Variants in TRANK1 observed in about 807,000 individuals in gnomAD.
The protein encoded by TRANK1 is TPR and ankyrin repeat-containing protein 1.
A neutral mutation model predicts 266.0 loss-of-function variants in TRANK1; 198 were observed. The ratio of observed to expected loss-of-function variants is 0.74; its 90% CI spans 0.66 to 0.84. The LOEUF is 0.84. Ranked by LOEUF, TRANK1 falls within the 40% of genes least tolerant of loss-of-function variation. TRANK1 has a pLI of 0.00. For synonymous variants in TRANK1, 1,396 were observed against 1,384.1 expected (o/e 1.01, Z -0.19); for missense variants, 3,326 against 3,634.6 (o/e 0.92, Z 2.18).
intron 9 of TRANK1, among the ~76,000 whole-genome samples, chr3:36,869,943 C>T (rs1230910367): frequency 6.6e-6 from 1 of 152,206 alleles, no homozygotes; most frequent in East Asian, 1.9e-4. Flanking sequence ...CCCAGCCCCA[C>T]CTTAGGTTTT....
chr3:36,925,060 C>A (rs1333242702), intron 1 of TRANK1, among the ~76,000 whole-genome samples: 2 of 152,166 alleles, frequency 1.3e-5, no homozygotes, highest in African/African-American at 2.4e-5. Flanking sequence ...CATTCAGTGG[C>A]TGAAAGGGGG....
chr3:36,933,780 C>G (rs145516272), intron 1 of TRANK1, among the ~76,000 whole-genome samples: 17 of 152,258 alleles, frequency 1.1e-4, no homozygotes, highest in Non-Finnish European at 2.4e-4. Flanking sequence ...AAAACATAGC[C>G]CTAGTATTTG....
Position 36,838,727 on chromosome 3 carries a change from C to CA in TRANK1, c.5281-12dup, listed in dbSNP as rs1274442102. Reference sequence around the variant, plus strand: ...ACACTTGGCTGCAACCTGGAATAGGCAAAAAGTTTTATTCCCAGCAAGGTA... The same window carrying CA: ...ACACTTGGCTGCAACCTGGAATAGGCAAAAAAGTTTTATTCCCAGCAAGGTA... On this transcript the variant is annotated splice_polypyrimidine_tract_variant and intron_variant, in intron 18 of 23. Coordinates refer to ENST00000645898, the MANE Select transcript of TRANK1 (RefSeq NM_001329998.2). The CA allele has an allele frequency of 6.2e-7, 1 of 1,609,858 alleles. No individual in the cohort carries two copies. Among genetic ancestry groups the CA allele is most frequent in the African/African-American group, 1.3e-5 (1 of 74,806 alleles).
At chr3:36,864,150 G>T (rs556159815) in intron 10 of TRANK1, among the ~76,000 whole-genome samples, 169 bp downstream of exon 10, 1 of 152,284 alleles carries the variant, frequency 6.6e-6, no homozygotes, top group East Asian at 1.9e-4. Flanking sequence ...TTGAAGTTCA[G>T]GGGTATGTAA....
intron 1 of TRANK1, among the ~76,000 whole-genome samples, chr3:36,943,490 C>T (rs538878149): frequency 7.3e-6 from 1 of 137,434 alleles, no homozygotes; most frequent in Non-Finnish European, 1.6e-5. Flanking sequence ...ACCCCCCCAC[C>T]CCCCGCAGAG....
At chr3:36,847,510 T>C (rs2078931909) in intron 15 of TRANK1, among the ~76,000 whole-genome samples, 164 bp from the exon 16 acceptor site, 1 of 151,952 alleles carries the variant, frequency 6.6e-6, no homozygotes, top group Non-Finnish European at 1.5e-5. Flanking sequence ...AGGAGGGAGA[T>C]TAACTTGCAC....
rs377503985 is a variant in TRANK1, at chr3:36,899,558, C to A, written c.283-299G>T. Among the ~76,000 whole-genome samples the A allele has an allele frequency of 6.8e-4, 104 of 152,258 alleles. 2 individuals are homozygous for A. In the South Asian group the frequency reaches 0.021, roughly 31 times the overall value. On this transcript the variant is annotated intron_variant, in intron 3 of 23. Coordinates refer to ENST00000645898, the MANE Select transcript of TRANK1 (RefSeq NM_001329998.2). ...CTTGTAGTCCCAGCTACTCAGGAGG[C>A]TGAGGTGAGAGGATTACCTGAGCCC...
intron 1 of TRANK1, among the ~76,000 whole-genome samples, chr3:36,912,628 T>C (rs886247090): frequency 6.6e-6 from 1 of 152,288 alleles, no homozygotes; most frequent in African/African-American, 2.4e-5. Flanking sequence ...AAAATGCAAA[T>C]GCACTGAGTA....
intron 1 of TRANK1, among the ~76,000 whole-genome samples, chr3:36,943,898 T>A (rs564121108): frequency 2.0e-4 from 30 of 152,074 alleles, no homozygotes; most frequent in Non-Finnish European, 4.0e-4. Flanking sequence ...TTTCTTTTAT[T>A]TTCCAAATTG....
At chr3:36,879,997 C>CATGCAAATATATGTAAAT (rs2079495790) in intron 8 of TRANK1, among the ~76,000 whole-genome samples, 1 of 14,912 alleles carries the variant, frequency 6.7e-5, no homozygotes, top group Non-Finnish European at 1.2e-4. Context: ...TATATGTAAA[C>CATGCAAATATATGTAAAT]ATGCAAATAT....
In TRANK1 at chr3:36,908,429, G is replaced by T. The variant is rs969858746; in HGVS notation, c.49C>A (p.Leu17Met). The T allele has an allele frequency of 2.1e-5, 26 of 1,232,106 alleles. No homozygotes were observed. The Admixed American group carries it at 1.1e-3, about 52-fold the overall frequency. The allele number at this position is 1,232,106 out of a possible 1,614,324, so 76.3% of individuals were successfully genotyped here. The change falls in exon 2 of 24, where the codon CTG becomes ATG. Residue 17 changes from leucine to methionine, a missense_variant. Transcript: ENST00000645898. ...ACCTGGTTGCCGGATTCTTTCAGCAGCTCAGCGTAAGCTGTCAGGTCCATC... is the reference window on the plus strand; with the variant it reads ...ACCTGGTTGCCGGATTCTTTCAGCATCTCAGCGTAAGCTGTCAGGTCCATC... Reference protein sequence around the residue: ...ARMDLTAYAELLKESGNQVLK... With the variant: ...ARMDLTAYAEMLKESGNQVLK...
chr3:36,893,149 C>G (rs149818372), intron 5 of TRANK1, among the ~76,000 whole-genome samples, 165 bp from the exon 6 acceptor site: 16 of 152,064 alleles, frequency 1.1e-4, no homozygotes, highest in Admixed American at 1.0e-3. Context: ...TTTGCTGTGA[C>G]AATTAAAGTC....
rs1559448751 is a variant in TRANK1, at chr3:36,879,794, A to ACAAATATATG, written c.908-5499_908-5498insCATATATTTG. Among the ~76,000 whole-genome samples the ACAAATATATG allele has an allele frequency of 7.4e-3, 347 of 47,040 alleles. 73 individuals are homozygous for ACAAATATATG. Among genetic ancestry groups the ACAAATATATG allele is most frequent in the Non-Finnish European group, 9.5e-3 (251 of 26,540 alleles). The allele number at this position is 47,040 out of a possible 152,430, so 30.9% of individuals were successfully genotyped here. On this transcript the variant is annotated intron_variant, in intron 8 of 23. Coordinates refer to ENST00000645898, the MANE Select transcript of TRANK1 (RefSeq NM_001329998.2). ...TAAATATATATAAATATGTAAATAT[A>ACAAATATATG]TAAATATACAAATATATGTAAATAT...
rs1037119897 is a variant in TRANK1 at position 36,914,173 on chromosome 3, G to A, written c.24-5719C>T. ...TTTTGAGACTGAGTCTCACTCTGTCGCCCAGGCTGGAGTGCGGTGGTGCAA... is the reference window on the plus strand; with the variant it reads ...TTTTGAGACTGAGTCTCACTCTGTCACCCAGGCTGGAGTGCGGTGGTGCAA... On this transcript the variant is annotated intron_variant, in intron 1 of 23. Coordinates refer to ENST00000645898, the MANE Select transcript of TRANK1 (RefSeq NM_001329998.2). Among the ~76,000 whole-genome samples, 2 of 151,284 alleles carry A rather than the reference G, an allele frequency of 1.3e-5. 1 individual carries two copies. Among genetic ancestry groups the A allele is most frequent in the African/African-American group, 4.9e-5 (2 of 41,164 alleles).
At chr3:36,875,735 C>T (rs539574236) in intron 8 of TRANK1, among the ~76,000 whole-genome samples, 2 of 152,330 alleles carry the variant, frequency 1.3e-5, no homozygotes, top group South Asian at 2.1e-4. Flanking sequence ...TTTTAAAAGG[C>T]ACTACATAAT....
intron 8 of TRANK1, among the ~76,000 whole-genome samples, chr3:36,885,802 A>G (rs1189047879): frequency 1.3e-5 from 2 of 151,968 alleles, no homozygotes; most frequent in Non-Finnish European, 2.9e-5. Flanking sequence ...GGCCTCCCAT[A>G]GTGCTGGGAT....
At chr3:36,886,129 GTT>G (rs10563870) in intron 8 of TRANK1, among the ~76,000 whole-genome samples, 76 of 100,958 alleles carry the variant, frequency 7.5e-4, no homozygotes, top group Middle Eastern at 6.7e-3. Flanking sequence ...TGTTGTTGTT[GTT>G]TTTTTTTTTT....
chr3:36,865,024 GTTTTT>G (rs34540496), intron 9 of TRANK1, among the ~76,000 whole-genome samples: 24 of 119,808 alleles, frequency 2.0e-4, no homozygotes, highest in African/African-American at 8.1e-4. Flanking sequence ...TGTTTTTTTG[GTTTTT>G]TTTTTTTTTT....
chr3:36,897,524 T>A (rs935126267), intron 4 of TRANK1, among the ~76,000 whole-genome samples: 4 of 152,296 alleles, frequency 2.6e-5, no homozygotes, highest in African/African-American at 7.2e-5. Context: ...ACCAAACTTG[T>A]CAAAATCTGT....
Sources: gnomAD v4.1 joint callset for allele counts (sites outside exome capture counted in the v4.1 genomes callset) on GRCh38, gnomAD v4.1.1 for gene constraint, MANE v1.5 for transcripts, NCBI Gene and HGNC (gene_info 2026-07-23, HGNC 2026-07-21) for gene names.